The following ESPN variants were observed in gnomAD, a reference collection of about 807,000 sequenced individuals.
ESPN encodes the protein autosomal recessive deafness type 36 protein.
In ESPN, 68 loss-of-function variants were observed where a neutral mutation model predicts 77.7. The observed-to-expected ratio is 0.87, with a 90% CI of 0.72 to 1.07. The LOEUF (loss-of-function observed/expected upper bound fraction) is 1.07. ESPN is among the 50% of genes least tolerant of loss of function. The probability of loss-of-function intolerance (pLI) is 0.00; values close to 1 mark genes in which losing one functional copy is unlikely to be tolerated. For missense variants in ESPN, 1,060 were observed against 1,239.0 expected (o/e 0.86, Z 2.17); for synonymous variants, 449 against 567.1 (o/e 0.79, Z 2.96).
At position 6,425,153 on chromosome 1, in the gene ESPN, C is replaced by G; in HGVS notation, c.198C>G (p.Arg66=). 6.6e-7 allele frequency: 1 copy of G among 1,514,284 alleles called. No individual in the cohort carries two copies. The highest frequency in any genetic ancestry group is 8.8e-7 in the Non-Finnish European group (1 of 1,139,218). 93.8% of individuals were successfully genotyped at this position (1,514,284 alleles called of 1,614,324 possible). A position where few individuals can be genotyped will look rare whatever the true frequency, so the allele number is the denominator to read the frequency against. ...VEEAALPAAA[R]ARNGATPAHD... is the part of the protein sequence containing the mutation. The stretch of plus-strand genomic sequence containing the variant: ...AAGCCGCCCTCCCCGCCGCGGCCCG[C>G]GCCCGCAACGGCGCCACACCGGCCC... Residue 66 remains arginine (R), a synonymous_variant, in exon 1 of 13, where the codon CGC becomes CGG. Coordinates refer to ENST00000645284, the MANE Select transcript of ESPN (RefSeq NM_031475.3).
chr1:6,430,367 C>T (rs777001076), intron 2 of ESPN, among the ~76,000 whole-genome samples: 1 of 152,230 alleles, frequency 6.6e-6, no homozygotes, highest in Non-Finnish European at 1.5e-5. Flanking sequence ...GGAAGTGACA[C>T]GCTGCAGAGG....
Position 6,460,036 on chromosome 1 carries a change from C to G in ESPN, c.2455C>G (p.Arg819Gly). ...EERQKQEELRREKEQSEKLRT... is the reference protein window; with the variant it reads ...EERQKQEELRGEKEQSEKLRT... ...GCGACAGAAGCAGGAGGAGCTGCGGCGGGAGAAGGAACAGTCAGAGAAGCT... is the reference window on the plus strand; with the variant it reads ...GCGACAGAAGCAGGAGGAGCTGCGGGGGGAGAAGGAACAGTCAGAGAAGCT... The change falls in exon 13 of 13, where the codon CGG becomes GGG. Residue 819 changes from arginine (R) to glycine (G), a missense_variant. Transcript: ENST00000645284. 6.2e-7 allele frequency: 1 copy of G among 1,613,540 alleles called. No individual in the cohort carries two copies. Among genetic ancestry groups the G allele is most frequent in the South Asian group, 1.1e-5 (1 of 91,072 alleles).
At chr1:6,430,900 G>A (rs1332689011) in intron 2 of ESPN, among the ~76,000 whole-genome samples, 2 of 152,156 alleles carry the variant, frequency 1.3e-5, no homozygotes, top group African/African-American at 2.4e-5. Flanking sequence ...TGGCCCTCCC[G>A]GCAGGAGCTC....
Position 6,428,319 on chromosome 1 carries a change from G to A in ESPN, c.388G>A (p.Asp130Asn). The change falls in exon 2 of 13, where the codon GAC becomes AAC. Residue 130 changes from aspartate (D) to asparagine (N), a missense_variant. By Grantham distance (23) the Asp-to-Asn change is conservative. Around this residue, in one of 3 missense-constraint regions of ESPN, gnomAD observed 556 missense variants for 633.6 expected, o/e 0.88. Transcript: ENST00000645284. This position sits in a 1 kb window ranked among gnomAD's most constrained non-coding sequence, Gnocchi z 5.4. ...VNWLLHHGGGDPTAATDMGAL... is the reference protein window; with the variant it reads ...VNWLLHHGGGNPTAATDMGAL... ...CTGGCTCTTGCATCATGGCGGTGGGGACCCCACCGCGGCCACAGACATGGG... is the reference window on the plus strand; with the variant it reads ...CTGGCTCTTGCATCATGGCGGTGGGAACCCCACCGCGGCCACAGACATGGG... The A allele has an allele frequency of 2.5e-6, 4 of 1,613,042 alleles. No individual in the cohort carries two copies. The highest frequency in any genetic ancestry group is 1.1e-5 in the South Asian group (1 of 91,078).
chr1:6,442,223 G>C (rs1223221622), intron 5 of ESPN, among the ~76,000 whole-genome samples: 2 of 152,164 alleles, frequency 1.3e-5, no homozygotes, highest in Admixed American at 1.3e-4. Flanking sequence ...ACTTAGGCAG[G>C]CACCCTGCCG....
rs779690732 is a variant in ESPN, at chr1:6,460,002, AGAG to A, written c.2428_2430del (p.Glu810del). On this transcript the variant is annotated inframe_deletion, in exon 13 of 13. Coordinates refer to ENST00000645284, the MANE Select transcript of ESPN (RefSeq NM_031475.3). Reference sequence around the variant, plus strand: ...GCCCCCCTCCCCACTGCCTCAGGAAAGAGGAGGAGCGACAGAAGCAGGAGGAGC... The same window carrying A: ...GCCCCCCTCCCCACTGCCTCAGGAAAGAGGAGCGACAGAAGCAGGAGGAGC... 7 of 1,613,556 alleles carry A rather than the reference AGAG, an allele frequency of 4.3e-6. No individual in the cohort carries two copies. The highest frequency in any genetic ancestry group is 5.9e-6 in the Non-Finnish European group (7 of 1,180,002).
In ESPN at chr1:6,428,682, C is replaced by T. The variant is rs892323253; in HGVS notation, c.488+263C>T. Reference sequence around the variant, plus strand: ...AGCTGCCCGGCCGCACACAGCTGGACCTGGGAGGCTGGGCACACAGGCCAA... The same window carrying T: ...AGCTGCCCGGCCGCACACAGCTGGATCTGGGAGGCTGGGCACACAGGCCAA... On this transcript the variant is annotated intron_variant, in intron 2 of 12. Coordinates refer to ENST00000645284, the MANE Select transcript of ESPN (RefSeq NM_031475.3). This position sits in a 1 kb window ranked among gnomAD's most constrained non-coding sequence, Gnocchi z 5.4. Among the ~76,000 whole-genome samples, 3 of 152,214 alleles carry T rather than the reference C, an allele frequency of 2.0e-5. No homozygotes were observed. Among genetic ancestry groups the T allele is most frequent in the Non-Finnish European group, 4.4e-5 (3 of 68,032 alleles).
At chr1:6,454,399 C>T in intron 10 of ESPN, 2 of 398,866 alleles carry the variant, frequency 5.0e-6, no homozygotes, top group Non-Finnish European at 8.9e-6. Flanking sequence ...GAGGGAGACG[C>T]GCCTCCCTCC....
In ESPN at chr1:6,449,081, G is replaced by C. The variant is rs1053008277; in HGVS notation, c.1905G>C (p.Ser635=). The C allele has an allele frequency of 1.0e-5, 15 of 1,484,182 alleles. No homozygotes were observed. The African/African-American group carries it at 1.2e-4, about 11-fold the overall frequency. The allele number at this position is 1,484,182 out of a possible 1,614,324, so 91.9% of individuals were successfully genotyped here. ...GCTGCGGGCAGCGCCGCTCCTCCTC[G>C]TCCACCGGCAGTGAGTAGGGGCAGG... ...GPGCGQRRSS[S]STGSTKSFNM... Residue 635 remains serine, a synonymous_variant, in exon 8 of 13, where the codon TCG becomes TCC. Transcript: ENST00000645284.
At chr1:6,446,555 GCA>G (rs1643847642) in intron 7 of ESPN, among the ~76,000 whole-genome samples, 1 of 152,188 alleles carries the variant, frequency 6.6e-6, no homozygotes, top group Non-Finnish European at 1.5e-5. Flanking sequence ...GCCAGGGTGG[GCA>G]GGTGGAGTGT....
Position 6,447,232 on chromosome 1 carries a change from T to G in ESPN, c.1464+1297T>G, listed in dbSNP as rs1298404958. On this transcript the variant is annotated intron_variant, in intron 7 of 12. Coordinates refer to ENST00000645284, the MANE Select transcript of ESPN (RefSeq NM_031475.3). This position sits in a 1 kb window ranked among gnomAD's most constrained non-coding sequence, Gnocchi z 5.2. ...ACTGTGTGCGCCCCTCCCGGCTATG[T>G]GCGTCCATCTCGGCCGTGTGCGTGC... is the stretch of plus-strand genomic sequence containing the variant. The G allele has an allele frequency of 6.6e-6, 1 of 152,422 alleles. No homozygotes were observed. Among genetic ancestry groups the G allele is most frequent in the Non-Finnish European group, 1.5e-5 (1 of 68,230 alleles). 9.4% of individuals were successfully genotyped at this position (152,422 alleles called of 1,614,324 possible). A position where few individuals can be genotyped will look rare whatever the true frequency, so the allele number is the denominator to read the frequency against.
At position 6,445,673 on chromosome 1, in the gene ESPN, G is replaced by A; in HGVS notation, c.1202G>A (p.Ser401Asn). 6.2e-7 allele frequency: 1 copy of A among 1,612,510 alleles called. No individual in the cohort carries two copies. Among genetic ancestry groups the A allele is most frequent in the South Asian group, 1.1e-5 (1 of 90,856 alleles). ...CCTTCTGCCTCCCCAGGGCTTTCCA[G>A]CGCTAGAGCTGCAGACATACAGAGC... ...KGQHPPCGLS[S>N]ARAADIQSYM... is the part of the protein sequence containing the mutation. The change falls in exon 7 of 13, where the codon AGC (serine) becomes AAC (asparagine). Residue 401 changes from serine to asparagine, a missense_variant. This residue lies in a region of ESPN where 556 missense variants were observed against 633.6 expected (regional missense o/e 0.88). Coordinates refer to ENST00000645284, the MANE Select transcript of ESPN (RefSeq NM_031475.3).
chr1:6,451,903 G>T lies in ESPN; in HGVS notation c.2132G>T (p.Gly711Val), dbSNP rs767280267. 2 of 1,610,956 alleles carry T rather than the reference G, an allele frequency of 1.2e-6. No individual in the cohort carries two copies. Among genetic ancestry groups the T allele is most frequent in the Admixed American group, 3.3e-5 (2 of 59,790 alleles). ...CGGAGCCCCACACCGCCAGCTGCGG[G>T]GTTTCAGCCGCTGCTCAATGGAAGC... Reference protein sequence around the residue: ...PVRSPTPPAAGFQPLLNGSLV... With the variant: ...PVRSPTPPAAVFQPLLNGSLV... Residue 711 changes from glycine (G) to valine (V), a missense_variant, in exon 10 of 13, where the codon GGG becomes GTG. By Grantham distance (109) the Gly-to-Val change is moderately radical. Coordinates refer to ENST00000645284, the MANE Select transcript of ESPN (RefSeq NM_031475.3). The surrounding 1 kb of genome is among the most constrained non-coding windows in gnomAD (Gnocchi z 4.3).
At chr1:6,438,141 A>G (rs895116549) in intron 2 of ESPN, among the ~76,000 whole-genome samples, 3 of 152,166 alleles carry the variant, frequency 2.0e-5, no homozygotes, top group African/African-American at 7.2e-5. Context: ...TTGGAACCCA[A>G]TAGGTCGCGG....
At chr1:6,433,923 T>C (rs1268198576) in intron 2 of ESPN, among the ~76,000 whole-genome samples, 1 of 152,172 alleles carries the variant, frequency 6.6e-6, no homozygotes, top group Non-Finnish European at 1.5e-5. Context: ...CCTTTTTCTT[T>C]GAGACTTGAG....
intron 2 of ESPN, among the ~76,000 whole-genome samples, chr1:6,439,873 G>T (rs1351679762): frequency 6.6e-6 from 1 of 152,202 alleles, no homozygotes; most frequent in Non-Finnish European, 1.5e-5. Context: ...GCGGGGCGTG[G>T]TGGCACATGC....
chr1:6,454,622 G>A (rs1214802463), intron 10 of ESPN: 3 of 398,830 alleles, frequency 7.5e-6, no homozygotes, highest in African/African-American at 4.1e-5. Flanking sequence ...AGCAACTGGA[G>A]CTGGAGCTGG....
At chr1:6,430,250 C>T (rs980394680) in intron 2 of ESPN, among the ~76,000 whole-genome samples, 17 of 152,214 alleles carry the variant, frequency 1.1e-4, no homozygotes, top group African/African-American at 1.4e-4. Context: ...TCACAAGGCT[C>T]AGCTCTCTCG....
intron 10 of ESPN, chr1:6,456,799 G>A (rs1644064949): frequency 2.3e-5 from 8 of 347,088 alleles, no homozygotes; most frequent in Non-Finnish European, 2.7e-5. Context: ...GCCAGGGGCA[G>A]CCTGAGTCTC....
Sources: allele counts gnomAD v4.1 joint callset (sites outside exome capture counted in the v4.1 genomes callset), GRCh38; gene constraint gnomAD v4.1.1; regional missense constraint gnomAD v4.1.1; non-coding constraint Gnocchi (gnomAD v3.1); transcripts MANE v1.5; gene names NCBI Gene and HGNC (gene_info 2026-07-23, HGNC 2026-07-21).